The following FAM228B variants were observed in gnomAD, a reference collection of about 807,000 sequenced individuals.
The protein encoded by FAM228B is family with sequence similarity 228 member B.
FAM228B carries 38 observed loss-of-function variants against 42.6 expected under a neutral mutation model. That is an observed-to-expected ratio of 0.89 (90% CI 0.69 to 1.17). FAM228B has a LOEUF of 1.17. FAM228B is among the 50% of genes most tolerant of loss of function. The pLI, the probability that FAM228B is intolerant of heterozygous loss-of-function variation, is 0.00. For synonymous variants in FAM228B, 109 were observed against 122.3 expected (o/e 0.89, Z 0.72); for missense variants, 344 against 367.3 (o/e 0.94, Z 0.52).
At chr2:24,162,619 A>G (rs1371300823) in intron 8 of FAM228B, among the ~76,000 whole-genome samples, 1 of 152,238 alleles carries the variant, frequency 6.6e-6, no homozygotes, top group East Asian at 1.9e-4. Context: ...AGGCTAGGAT[A>G]TGGATGTTCA....
chr2:24,106,461 A>T (rs1422790490), intron 3 of FAM228B, among the ~76,000 whole-genome samples: 6 of 150,568 alleles, frequency 4.0e-5, no homozygotes, highest in Non-Finnish European at 8.9e-5. Flanking sequence ...CAGGGATTAC[A>T]GGCACCCGCC....
chr2:24,077,401 C>T lies in FAM228B; in HGVS notation c.-290+432C>T. On this transcript the variant is annotated intron_variant, in intron 1 of 10. Transcript: ENST00000613899. This position sits in a 1 kb window ranked among gnomAD's most constrained non-coding sequence, Gnocchi z 5.5. The stretch of plus-strand genomic sequence containing the variant: ...GCCCGTCCGGACTCCCACCTCAACC[C>T]CGCCGCGGCGGCCCCAGTCCGCGTG... 1 of 683,622 alleles carries T rather than the reference C, an allele frequency of 1.5e-6. No homozygotes were observed. Among genetic ancestry groups the T allele is most frequent in the Non-Finnish European group, 2.2e-6 (1 of 449,298 alleles). 42.3% of individuals were successfully genotyped at this position (683,622 alleles called of 1,614,324 possible).
chr2:24,115,466 ATTC>A, intron 3 of FAM228B: 2 of 848,492 alleles, frequency 2.4e-6, no homozygotes, highest in African/African-American at 1.7e-5. Flanking sequence ...CCCTTAATTC[ATTC>A]TTCTTTTTTA....
chr2:24,125,377 T>C (rs1333789705), intron 2 of FAM228B, among the ~76,000 whole-genome samples: 1 of 152,148 alleles, frequency 6.6e-6, no homozygotes, highest in Non-Finnish European at 1.5e-5. Context: ...AATAAGACCC[T>C]GTCTCAAATA....
intron 2 of FAM228B, chr2:24,081,100 A>G: frequency 2.2e-6 from 3 of 1,370,346 alleles, no homozygotes; most frequent in South Asian, 1.5e-5. Flanking sequence ...GGCATATTCT[A>G]TCAAGATCAC....
chr2:24,162,436 T>C (rs1558395869), intron 8 of FAM228B, among the ~76,000 whole-genome samples: 2 of 152,240 alleles, frequency 1.3e-5, no homozygotes, highest in African/African-American at 4.8e-5. Context: ...TGTGACTATC[T>C]GGTTAAAAGT....
At chr2:24,093,975 A>C (rs987662460) in intron 2 of FAM228B, among the ~76,000 whole-genome samples, 1 of 140,172 alleles carries the variant, frequency 7.1e-6, no homozygotes, top group African/African-American at 2.6e-5. Context: ...CAGTAATGGG[A>C]TTGCTGGGTC....
chr2:24,128,869 C>T (rs1365447393), intron 2 of FAM228B, among the ~76,000 whole-genome samples: 1 of 151,962 alleles, frequency 6.6e-6, no homozygotes, highest in East Asian at 1.9e-4. Flanking sequence ...TGTTTCAGTA[C>T]TGATACAAAA....
chr2:24,108,873 C>T (rs1665742455), intron 3 of FAM228B, among the ~76,000 whole-genome samples: 1 of 150,372 alleles, frequency 6.7e-6, no homozygotes, highest in African/African-American at 2.5e-5. Context: ...TGCATTCCAG[C>T]CTGGCTGACA....
chr2:24,133,048 C>T (rs1322703748), intron 2 of FAM228B, among the ~76,000 whole-genome samples: 1 of 152,126 alleles, frequency 6.6e-6, no homozygotes, highest in Non-Finnish European at 1.5e-5. Context: ...CCATGCTTAC[C>T]CCAAACTCTG....
chr2:24,124,124 C>T (rs1470637246), intron 1 of FAM228B: 9 of 369,316 alleles, frequency 2.4e-5, no homozygotes, highest in African/African-American at 8.4e-5. Context: ...ACGGGGGATT[C>T]TTTCAAAGAG....
intron 7 of FAM228B, among the ~76,000 whole-genome samples, chr2:24,147,916 CTTTT>C (rs34823316): frequency 4.2e-5 from 5 of 119,176 alleles, no homozygotes; most frequent in Admixed American, 8.4e-5. Flanking sequence ...TTTGCCTTGC[CTTTT>C]TTTTTTTTTT....
intron 3 of FAM228B, among the ~76,000 whole-genome samples, chr2:24,110,975 G>A (rs1404867587): frequency 2.0e-5 from 3 of 152,148 alleles, no homozygotes; most frequent in East Asian, 3.8e-4. Context: ...AACTACCAGG[G>A]TACTTAAATT....
intron 2 of FAM228B, among the ~76,000 whole-genome samples, chr2:24,133,405 T>A (rs1426755160): frequency 6.6e-6 from 1 of 152,234 alleles, no homozygotes; most frequent in Non-Finnish European, 1.5e-5. Context: ...TAGTTGTTGC[T>A]TAGCTCCCAT....
chr2:24,161,326 A>G (rs1667280263), intron 7 of FAM228B, among the ~76,000 whole-genome samples, 180 bp from the exon 8 acceptor site: 1 of 152,094 alleles, frequency 6.6e-6, no homozygotes, highest in South Asian at 2.1e-4. Context: ...GCATGCCTGT[A>G]GTCCTAGCTG....
Position 24,080,117 on chromosome 2 carries a change from G to A in FAM228B, c.-289-759G>A, listed in dbSNP as rs1392485856. Among the ~76,000 whole-genome samples, 1 of 152,170 alleles carries A rather than the reference G, an allele frequency of 6.6e-6. No individual in the cohort carries two copies. The highest frequency in any genetic ancestry group is 1.5e-5 in the Non-Finnish European group (1 of 68,028). Reference sequence around the variant, plus strand: ...CATGCCTGTAATCCCAGTACTTTGGGAGGCTGAGGCAGGTGGATCACCTGA... The same window carrying A: ...CATGCCTGTAATCCCAGTACTTTGGAAGGCTGAGGCAGGTGGATCACCTGA... On this transcript the variant is annotated intron_variant, in intron 1 of 10. Coordinates refer to the FAM228B transcript ENST00000613899. The surrounding 1 kb of genome is among the most constrained non-coding windows in gnomAD (Gnocchi z 4.7).
chr2:24,124,661 T>A (rs1015257464), intron 2 of FAM228B, among the ~76,000 whole-genome samples: 1 of 152,236 alleles, frequency 6.6e-6, no homozygotes, highest in Non-Finnish European at 1.5e-5. Context: ...GGTCATTGAT[T>A]ATATACCTTT....
At chr2:24,151,687 C>T (rs11125455) in intron 7 of FAM228B, among the ~76,000 whole-genome samples, 1 of 145,492 alleles carries the variant, frequency 6.9e-6, no homozygotes, top group East Asian at 2.0e-4. Flanking sequence ...TGGCCCAAGA[C>T]AATTTTTTTT....
intron 2 of FAM228B, among the ~76,000 whole-genome samples, chr2:24,083,477 T>C (rs1158177872): frequency 1.3e-5 from 2 of 152,256 alleles, no homozygotes; most frequent in African/African-American, 2.4e-5. Flanking sequence ...ATGGTTCCCA[T>C]GCATCAAGCG....
Sources: gnomAD v4.1 joint callset for allele counts (sites outside exome capture counted in the v4.1 genomes callset) on GRCh38, gnomAD v4.1.1 for gene constraint, Gnocchi (gnomAD v3.1) non-coding constraint, MANE v1.5 for transcripts, NCBI Gene and HGNC (gene_info 2026-07-23, HGNC 2026-07-21) for gene names.